Variants in GLIS1 observed in about 807,000 individuals in gnomAD.
GLIS1 encodes the protein zinc finger protein GLIS1.
GLIS1 carries 24 observed loss-of-function variants against 63.8 expected under a neutral mutation model. The observed-to-expected ratio is 0.38, with a 90% CI of 0.27 to 0.53. The LOEUF is 0.53. GLIS1 is among the 20% of genes least tolerant of loss of function. The pLI, the probability that GLIS1 is intolerant of heterozygous loss-of-function variation, is 0.85. For missense variants in GLIS1, 1,036 were observed against 1,074.1 expected (o/e 0.96, Z 0.50); for synonymous variants, 450 against 482.5 (o/e 0.93, Z 0.88).
At position 53,738,015 on chromosome 1, in the gene GLIS1, G is replaced by T. The variant is rs529021006; in HGVS notation, c.50C>A (p.Ala17Asp). Residue 17 changes from alanine to aspartate, a missense_variant, in exon 2 of 11, where the codon GCC becomes GAC. By Grantham distance (126) the Ala-to-Asp change is moderately radical. This residue lies in a region of GLIS1 where 592 missense variants were observed against 593.9 expected (regional missense o/e 1.00). Coordinates refer to ENST00000628545, the MANE Select transcript of GLIS1 (RefSeq NM_001367484.1). ...GCGGTCGGGGCCGGGCGCACCAGGG[G>T]CCTCCTTAGGCCTCTTGTCCGAGTG... ...EAHSDKRPKE[A>D]PGAPGPDRGP... The T allele has an allele frequency of 2.1e-4, 262 of 1,230,626 alleles. 7 individuals are homozygous for T. The East Asian group carries it at 8.0e-3, about 38-fold the overall frequency. The allele number at this position is 1,230,626 out of a possible 1,614,324, so 76.2% of individuals were successfully genotyped here. A position where few individuals can be genotyped will look rare whatever the true frequency, so the allele number is the denominator to read the frequency against.
In GLIS1 at chr1:53,509,266, G is replaced by T; in HGVS notation, c.2084C>A (p.Ser695Tyr). The change falls in exon 10 of 11, where the codon TCC (serine) becomes TAC (tyrosine). Residue 695 changes from serine (S) to tyrosine (Y), a missense_variant. This residue lies in a region of GLIS1 where 400 missense variants were observed against 400.9 expected (regional missense o/e 1.00). Coordinates refer to ENST00000628545, the MANE Select transcript of GLIS1 (RefSeq NM_001367484.1). The stretch of plus-strand genomic sequence containing the variant: ...GCCATAGGGGAAGCAACTCTGGATG[G>T]AGTGGAAACTGCCCTGGTAACCTGC... Reference protein sequence around the residue: ...SPQGYQGSFHSIQSCFPYGDC... With the variant: ...SPQGYQGSFHYIQSCFPYGDC... 6.3e-7 allele frequency: 1 copy of T among 1,585,436 alleles called. No homozygotes were observed. Among genetic ancestry groups the T allele is most frequent in the East Asian group, 2.3e-5 (1 of 43,470 alleles).
chr1:53,533,345 A>G (rs959184764), intron 4 of GLIS1, among the ~76,000 whole-genome samples: 2 of 152,194 alleles, frequency 1.3e-5, no homozygotes, highest in African/African-American at 4.8e-5. Context: ...GTGGGACAGA[A>G]GCATGATATG....
At chr1:53,719,107 G>A (rs923283210) in intron 2 of GLIS1, among the ~76,000 whole-genome samples, 3 of 152,178 alleles carry the variant, frequency 2.0e-5, no homozygotes, top group African/African-American at 7.2e-5. Context: ...GTTTGAAAAC[G>A]ACCACTGCCC....
chr1:53,512,758 G>C (rs1232702637), intron 8 of GLIS1, among the ~76,000 whole-genome samples: 1 of 152,160 alleles, frequency 6.6e-6, no homozygotes, highest in Non-Finnish European at 1.5e-5. Context: ...CACTTATGCA[G>C]GCGGCAGGCA....
rs549538110 is a variant in GLIS1, at chr1:53,697,097, G to C, written c.259+40709C>G. Among the ~76,000 whole-genome samples the C allele has an allele frequency of 1.9e-4, 29 of 152,322 alleles. 1 individual carries two copies. The South Asian group carries it at 6.0e-3, about 32-fold the overall frequency. On this transcript the variant is annotated intron_variant, in intron 2 of 10. Transcript: ENST00000628545. ...TGAGGACTACTTCTCTCAAGACCAC[G>C]GGAGGGAGCTGGGAGGAGGCAGGAC...
chr1:53,566,179 A>G (rs1228804783), intron 4 of GLIS1, among the ~76,000 whole-genome samples: 1 of 152,216 alleles, frequency 6.6e-6, no homozygotes, highest in African/African-American at 2.4e-5. Context: ...GAATGTCTTG[A>G]ACAAGGCAAG....
chr1:53,512,196 C>T (rs569735686), intron 8 of GLIS1, among the ~76,000 whole-genome samples: 62 of 152,346 alleles, frequency 4.1e-4, no homozygotes, highest in African/African-American at 1.4e-3. Flanking sequence ...TGAGGCTATG[C>T]TGCTCTACCT....
intron 2 of GLIS1, among the ~76,000 whole-genome samples, chr1:53,659,032 G>C (rs1322672249): frequency 2.0e-5 from 3 of 152,294 alleles, no homozygotes; most frequent in African/African-American, 7.2e-5. Context: ...ATCGTGGCAG[G>C]GGCGATGCCG....
At chr1:53,509,766 T>C in intron 9 of GLIS1, 83 bp downstream of exon 9, 1 of 838,136 alleles carries the variant, frequency 1.2e-6, no homozygotes, top group Admixed American at 4.2e-5. Context: ...CCTCCCCCAC[T>C]AGGTCACTGT....
intron 4 of GLIS1, among the ~76,000 whole-genome samples, chr1:53,545,899 C>A (rs531940341): frequency 3.5e-4 from 54 of 152,328 alleles, no homozygotes; most frequent in Non-Finnish European, 6.6e-4. Context: ...CCGGTCCATG[C>A]GCTGGCTCCT....
At chr1:53,550,291 C>A (rs1644745124) in intron 4 of GLIS1, among the ~76,000 whole-genome samples, 1 of 152,164 alleles carries the variant, frequency 6.6e-6, no homozygotes, top group Non-Finnish European at 1.5e-5. Flanking sequence ...CAGCTCAGCC[C>A]CCATTAACAC....
At chr1:53,597,010 A>G (rs1379942142) in intron 3 of GLIS1, among the ~76,000 whole-genome samples, 1 of 151,910 alleles carries the variant, frequency 6.6e-6, no homozygotes, top group Non-Finnish European at 1.5e-5. Context: ...TCTGTGGACC[A>G]GTCCCCTGAG....
At chr1:53,658,113 G>A (rs1428565467) in intron 2 of GLIS1, among the ~76,000 whole-genome samples, 2 of 152,112 alleles carry the variant, frequency 1.3e-5, no homozygotes, top group Non-Finnish European at 2.9e-5. Context: ...ACTCTTCAGA[G>A]GCCCCCATGC....
chr1:53,546,680 G>C (rs747275418), intron 4 of GLIS1, among the ~76,000 whole-genome samples: 2 of 152,192 alleles, frequency 1.3e-5, no homozygotes, highest in Non-Finnish European at 2.9e-5. Context: ...CCATGCAACC[G>C]ACACCAAGGT....
intron 2 of GLIS1, among the ~76,000 whole-genome samples, chr1:53,729,760 A>G (rs748366315): frequency 2.0e-5 from 3 of 152,204 alleles, no homozygotes; most frequent in Non-Finnish European, 4.4e-5. Context: ...TAGGCATCTG[A>G]CATTCCAGAG....
At chr1:53,698,332 G>A (rs1646488098) in intron 2 of GLIS1, among the ~76,000 whole-genome samples, 2 of 152,118 alleles carry the variant, frequency 1.3e-5, no homozygotes, top group South Asian at 4.1e-4. Context: ...CCGAGTCCCT[G>A]ATGTCAAGGA....
chr1:53,526,822 A>G lies in GLIS1; in HGVS notation c.1483-1935T>C, dbSNP rs569159199. Among the ~76,000 whole-genome samples, 1 of 151,726 alleles carries G rather than the reference A, an allele frequency of 6.6e-6. No individual in the cohort carries two copies. Among genetic ancestry groups the G allele is most frequent in the East Asian group, 1.9e-4 (1 of 5,132 alleles). ...TTCCAGGGCCTGACATGTGTAGAAC[A>G]TTCCTCAGGCCCCATTCCCCGTGAG... On this transcript the variant is annotated intron_variant, in intron 5 of 10. Transcript: ENST00000628545. The surrounding 1 kb of genome is among the most constrained non-coding windows in gnomAD (Gnocchi z 4.4).
chr1:53,531,772 C>T (rs1490119658), intron 4 of GLIS1, among the ~76,000 whole-genome samples: 4 of 152,178 alleles, frequency 2.6e-5, no homozygotes, highest in South Asian at 2.1e-4. Context: ...GCTGCTTCCA[C>T]GGGCTTGATG....
chr1:53,595,022 G>T, intron 3 of GLIS1, 32 bp from the exon 4 acceptor site: 1 of 1,396,972 alleles, frequency 7.2e-7, no homozygotes, highest in Non-Finnish European at 9.3e-7. Context: ...GGTCATGAGA[G>T]GCTGGGCTCG....
Sources: allele counts gnomAD v4.1 joint callset (sites outside exome capture counted in the v4.1 genomes callset), GRCh38; gene constraint gnomAD v4.1.1; regional missense constraint gnomAD v4.1.1; non-coding constraint Gnocchi (gnomAD v3.1); transcripts MANE v1.5; gene names NCBI Gene and HGNC (gene_info 2026-07-23, HGNC 2026-07-21).